DMC1: variants seen among roughly 807,000 people sequenced by gnomAD.
The protein encoded by DMC1 is DNA meiotic recombinase 1.
In DMC1, 27 loss-of-function variants were observed where a neutral mutation model predicts 50.1. That is an observed-to-expected ratio of 0.54 (90% CI 0.40 to 0.74). The LOEUF (loss-of-function observed/expected upper bound fraction) is 0.74. DMC1 is among the 30% of genes least tolerant of loss of function. DMC1 has a pLI of 0.00. For missense variants in DMC1, 295 were observed against 420.2 expected (o/e 0.70, Z 2.60); for synonymous variants, 148 against 136.1 (o/e 1.09, Z -0.61).
rs950716205 is a variant in DMC1, at chr22:38,519,759, T to G, written c.*261A>C. 4 of 420,270 alleles carry G rather than the reference T, an allele frequency of 9.5e-6. No individual in the cohort carries two copies. The highest frequency in any genetic ancestry group is 1.3e-5 in the Non-Finnish European group (3 of 224,274). The allele number at this position is 420,270 out of a possible 1,614,324, so 26.0% of individuals were successfully genotyped here. On this transcript the variant is annotated 3_prime_UTR_variant, in exon 14 of 14. Coordinates refer to ENST00000216024, the MANE Select transcript of DMC1 (RefSeq NM_007068.4). ...GAGAGAATTTCAATAGGTATATATA[T>G]CTACTATATATGTCAGGTATACACA...
At chr22:38,529,606 G>A (rs955051146) in intron 12 of DMC1, among the ~76,000 whole-genome samples, 4 of 152,096 alleles carry the variant, frequency 2.6e-5, no homozygotes, top group Admixed American at 2.6e-4. Flanking sequence ...GGATGCTGGG[G>A]TCATGAAACA....
In DMC1 at chr22:38,538,404, G is replaced by A. The variant is rs201348870; in HGVS notation, c.666C>T (p.Ile222=). The A allele has an allele frequency of 2.9e-5, 46 of 1,612,374 alleles. No individual in the cohort carries two copies. The East Asian group carries it at 4.5e-4, about 16-fold the overall frequency. ...EEAGIFKLLI[I]DSIMALFRVD... ...CTCGAAAAAGTGCCATTATTGAATCGATAATCTACACAGGATTAATGTAAA... is the reference window on the plus strand; with the variant it reads ...CTCGAAAAAGTGCCATTATTGAATCAATAATCTACACAGGATTAATGTAAA... Residue 222 remains isoleucine (I), a synonymous_variant, in exon 11 of 14, where the codon ATC becomes ATT. Coordinates refer to ENST00000216024, the MANE Select transcript of DMC1 (RefSeq NM_007068.4).
At chr22:38,555,441 A>G in intron 5 of DMC1, 32 bp from the exon 6 acceptor site, 1 of 1,316,232 alleles carries the variant, frequency 7.6e-7, no homozygotes, top group Non-Finnish European at 1.1e-6. Flanking sequence ...TAGTAACAGG[A>G]ATAGAAATAG....
At chr22:38,562,690 A>T (rs976703756) in intron 4 of DMC1, among the ~76,000 whole-genome samples, 3 of 151,942 alleles carry the variant, frequency 2.0e-5, no homozygotes, top group Non-Finnish European at 4.4e-5. Flanking sequence ...AAATTAAATT[A>T]TATATATATA....
At chr22:38,549,639 T>C in intron 8 of DMC1, 1 of 271,732 alleles carries the variant, frequency 3.7e-6, no homozygotes, top group Non-Finnish European at 7.0e-6. Flanking sequence ...AAAAAATCTT[T>C]TTTCTAACTA....
chr22:38,555,486 A>T (rs2090460248), intron 5 of DMC1, 77 bp from the exon 6 acceptor site: 1 of 935,044 alleles, frequency 1.1e-6, no homozygotes. Context: ...TCATATCATT[A>T]GTATCCTTCC....
At chr22:38,544,966 C>T (rs1166682736) in intron 8 of DMC1, among the ~76,000 whole-genome samples, 3 of 152,058 alleles carry the variant, frequency 2.0e-5, no homozygotes, top group Non-Finnish European at 2.9e-5. Flanking sequence ...TCAGACCTGT[C>T]TCAGATTCTC....
In DMC1 at chr22:38,562,770, CAT is replaced by C. The variant is rs945243673; in HGVS notation, c.244-403_244-402del. Among the ~76,000 whole-genome samples the C allele has an allele frequency of 2.4e-4, 36 of 151,828 alleles. No individual in the cohort carries two copies. The South Asian group carries it at 4.8e-3, about 20-fold the overall frequency. On this transcript the variant is annotated intron_variant, in intron 4 of 13. Transcript: ENST00000216024. ...TACACACGTTATATACACATATATA[CAT>C]ATATGTGTATACATATACATATATA...
intron 3 of DMC1, 32 bp from the exon 4 acceptor site, chr22:38,566,768 A>C (rs773402077): frequency 1.2e-6 from 2 of 1,608,808 alleles, no homozygotes; most frequent in Non-Finnish European, 1.7e-6. Flanking sequence ...CAGCAGACTG[A>C]TAAGATGCCA....
intron 6 of DMC1, among the ~76,000 whole-genome samples, chr22:38,555,108 C>A (rs1260117878): frequency 4.7e-5 from 7 of 149,706 alleles, no homozygotes; most frequent in African/African-American, 1.7e-4. Flanking sequence ...AAAAAAAAAT[C>A]TATTATCTTC....
intron 6 of DMC1, among the ~76,000 whole-genome samples, chr22:38,554,454 A>C (rs2090447738): frequency 6.6e-6 from 1 of 152,050 alleles, no homozygotes; most frequent in Non-Finnish European, 1.5e-5. Flanking sequence ...AAAAAAAAAA[A>C]AAAAAAACAG....
chr22:38,563,315 C>G (rs1191739156), intron 4 of DMC1, among the ~76,000 whole-genome samples: 2 of 152,062 alleles, frequency 1.3e-5, no homozygotes, highest in Non-Finnish European at 2.9e-5. Context: ...ATGGGTGTCC[C>G]TCTTTGTTGT....
chr22:38,550,302 TTTTTC>T (rs1303468607), intron 7 of DMC1, among the ~76,000 whole-genome samples: 24 of 151,378 alleles, frequency 1.6e-4, no homozygotes, highest in South Asian at 2.1e-4. Context: ...ATTTTCTTTC[TTTTTC>T]TTTTCTTTTC....
At chr22:38,548,339 C>T (rs1268243988) in intron 8 of DMC1, among the ~76,000 whole-genome samples, 1 of 152,142 alleles carries the variant, frequency 6.6e-6, no homozygotes, top group Non-Finnish European at 1.5e-5. Context: ...TTTGGGAGGC[C>T]AAGGCAGGCA....
In DMC1 at chr22:38,566,641, T is replaced by C. The variant is rs763288495; in HGVS notation, c.192A>G (p.Gly64=). The change falls in exon 4 of 14, where the codon GGA becomes GGG. Residue 64 remains glycine, a synonymous_variant. Transcript: ENST00000216024. ...TCTTGTCTACTTTGGCTTCTGAGAG[T>C]CCTTTGACATTGCATAGAGCTCTTC... The part of the protein sequence containing the change: ...TTRRALCNVK[G]LSEAKVDKIK... 3.7e-6 allele frequency: 6 copies of C among 1,613,978 alleles called. No homozygotes were observed. In the South Asian group the frequency reaches 6.6e-5, roughly 18 times the overall value.
In DMC1 at chr22:38,534,817, C is replaced by T. The variant is rs566436367; in HGVS notation, c.836+2775G>A. Among the ~76,000 whole-genome samples the T allele has an allele frequency of 3.3e-5, 5 of 151,680 alleles. No homozygotes were observed. In the South Asian group the frequency reaches 6.2e-4, roughly 19 times the overall value. On this transcript the variant is annotated intron_variant, in intron 12 of 13. Coordinates refer to ENST00000216024, the MANE Select transcript of DMC1 (RefSeq NM_007068.4). ...GGGAGTTCGAGACCAGCCTGGCCAA[C>T]GTGGTGAAACCCTGTCTCTACTAAA...
At chr22:38,530,317 A>G (rs2090139787) in intron 12 of DMC1, among the ~76,000 whole-genome samples, 1 of 152,050 alleles carries the variant, frequency 6.6e-6, no homozygotes, top group Non-Finnish European at 1.5e-5. Context: ...CCGCCAAAGA[A>G]GAATTTTGAG....
chr22:38,564,314 T>TC (rs1569171652), intron 4 of DMC1, among the ~76,000 whole-genome samples: 1 of 151,570 alleles, frequency 6.6e-6, no homozygotes, highest in Admixed American at 6.6e-5. Context: ...TCTCTCTCTC[T>TC]TTTTTTTTCT....
At chr22:38,552,857 AT>A (rs550736981) in intron 6 of DMC1, 150 bp from the exon 7 acceptor site, 7,197 of 554,984 alleles carry the variant, frequency 0.013, 34 homozygotes, top group Non-Finnish European at 0.015. Flanking sequence ...GTTATTTTTT[AT>A]TTTTTTTTTG....
Sources: allele counts gnomAD v4.1 joint callset (sites outside exome capture counted in the v4.1 genomes callset), GRCh38; gene constraint gnomAD v4.1.1; transcripts MANE v1.5; gene names NCBI Gene and HGNC (gene_info 2026-07-23, HGNC 2026-07-21).